Variants in RBBP8 observed in about 807,000 individuals in gnomAD.
RBBP8 encodes DNA endonuclease RBBP8.
Under a neutral mutation model 108.3 loss-of-function variants are expected in RBBP8, and 88 were observed. The ratio of observed to expected loss-of-function variants is 0.81; its 90% CI spans 0.68 to 0.97. The LOEUF (loss-of-function observed/expected upper bound fraction) is 0.97, where lower values mean the gene tolerates loss of function less well. Ranked by LOEUF, RBBP8 falls within the 50% of genes least tolerant of loss-of-function variation. The probability of loss-of-function intolerance (pLI) is 0.00; values close to 1 mark genes in which losing one functional copy is unlikely to be tolerated. For missense variants in RBBP8, 1,023 were observed against 1,049.0 expected, an observed-to-expected ratio of 0.98 and a Z score of 0.34; for synonymous variants, 332 against 348.2, an observed-to-expected ratio of 0.95 and a Z score of 0.52.
At chr18:23,022,350 C>T in intron 18 of RBBP8, 80 bp downstream of exon 18, 1 of 1,407,786 alleles carries the variant, frequency 7.1e-7, no homozygotes, top group South Asian at 1.3e-5. Context: ...CCTATAATCC[C>T]AACACTTTGA....
At position 23,001,695 on chromosome 18, in the gene RBBP8, G is replaced by C. The variant is rs1395880193; in HGVS notation, c.2253G>C (p.Glu751Asp). 1 of 1,614,062 alleles carries C rather than the reference G, an allele frequency of 6.2e-7. No individual in the cohort carries two copies. Among genetic ancestry groups the C allele is most frequent in the Admixed American group, 1.7e-5 (1 of 60,012 alleles). The change falls in exon 15 of 19, where the codon GAG (glutamate) becomes GAC (aspartate). Residue 751 changes from glutamate (E) to aspartate (D), a missense_variant. Coordinates refer to ENST00000327155, the MANE Select transcript of RBBP8 (RefSeq NM_002894.3). ...ADSFSQAADE[E>D]EELSTATKKL... ...GTTTCTCCCAAGCAGCAGATGAAGA[G>C]GAGGAATTGTCTACTGCCACAAAGA... is the stretch of plus-strand genomic sequence containing the variant.
chr18:22,949,942 G>A, intron 4 of RBBP8: 1 of 455,068 alleles, frequency 2.2e-6, no homozygotes. Context: ...GGTGTTTGAT[G>A]TAGTGGAAGC....
chr18:23,003,875 G>A (rs139438757), intron 15 of RBBP8, among the ~76,000 whole-genome samples: 139 of 151,708 alleles, frequency 9.2e-4, no homozygotes, highest in African/African-American at 3.1e-3. Context: ...TGGCTAACAC[G>A]CTGAAACCCC....
intron 16 of RBBP8, among the ~76,000 whole-genome samples, chr18:23,009,725 A>G (rs1405038650): frequency 1.3e-5 from 2 of 152,090 alleles, no homozygotes; most frequent in African/African-American, 4.8e-5. Context: ...GTATATAGTC[A>G]TGCTATCCAT....
In RBBP8 at chr18:22,993,596, C is replaced by G; in HGVS notation, c.1769C>G (p.Pro590Arg). Reference protein sequence around the residue: ...ENAVFKIPLRPRESLETENVL... With the variant: ...ENAVFKIPLRRRESLETENVL... ...GCTGTCTTTAAAATTCCTCTACGTC[C>G]ACGTGAAAGTTTGGAGACTGAGAAT... The change falls in exon 11 of 19, where the codon CCA becomes CGA. Residue 590 changes from proline to arginine, a missense_variant. Transcript: ENST00000327155. 6.2e-7 allele frequency: 1 copy of G among 1,614,168 alleles called. No individual in the cohort carries two copies. Among genetic ancestry groups the G allele is most frequent in the Non-Finnish European group, 8.5e-7 (1 of 1,180,040 alleles).
At chr18:22,996,321 T>C in intron 12 of RBBP8, 53 bp from the exon 13 acceptor site, 1 of 1,605,136 alleles carries the variant, frequency 6.2e-7, no homozygotes, top group Non-Finnish European at 8.5e-7. Context: ...TTTAAAGTGA[T>C]GAGAATTTTT....
upstream of RBBP8, chr18:22,929,249 T>C (rs1567939456): frequency 6.6e-6 from 1 of 152,246 alleles, no homozygotes; most frequent in South Asian, 2.1e-4. Context: ...TCTAGGGTGA[T>C]GGGAAGACCC....
intron 17 of RBBP8, among the ~76,000 whole-genome samples, chr18:23,019,192 T>C (rs996126181): frequency 6.6e-6 from 1 of 152,366 alleles, no homozygotes; most frequent in Middle Eastern, 3.4e-3. Flanking sequence ...TCTGGTTTTT[T>C]AGTTATAACC....
In RBBP8 at chr18:23,008,139, G is replaced by A. The variant is rs78278215; in HGVS notation, c.2357+1707G>A. On this transcript the variant is annotated intron_variant, in intron 16 of 18. Coordinates refer to ENST00000327155, the MANE Select transcript of RBBP8 (RefSeq NM_002894.3). ...AAGCATCTTGATTTAACCATAATGC[G>A]ACCTTCTGCCTTTCACAAGGACTGC... is the stretch of plus-strand genomic sequence containing the variant. Among the ~76,000 whole-genome samples, 236 of 152,194 alleles carry A rather than the reference G, an allele frequency of 1.6e-3. 1 individual carries two copies. Among genetic ancestry groups the A allele is most frequent in the African/African-American group, 5.4e-3 (224 of 41,540 alleles).
chr18:23,000,488 T>C (rs115405668), intron 14 of RBBP8, among the ~76,000 whole-genome samples: 1,782 of 152,258 alleles, frequency 0.012, 26 homozygotes, highest in African/African-American at 0.03. Context: ...GCACCTGTAA[T>C]CCCAGTATTT....
At chr18:22,914,730 C>T (rs968361697) in intron 1 of RBBP8, among the ~76,000 whole-genome samples, 1 of 152,064 alleles carries the variant, frequency 6.6e-6, no homozygotes, top group African/African-American at 2.4e-5. Flanking sequence ...CCAAAAAAAG[C>T]ATTGGCCGGC....
chr18:22,994,567 G>A (rs375193795), intron 12 of RBBP8, among the ~76,000 whole-genome samples: 2 of 149,296 alleles, frequency 1.3e-5, no homozygotes, highest in African/African-American at 2.4e-5. Context: ...GTGTGAACCC[G>A]GGAGGTGGAG....
At chr18:23,002,877 A>G (rs1370757306) in intron 15 of RBBP8, among the ~76,000 whole-genome samples, 1 of 152,174 alleles carries the variant, frequency 6.6e-6, no homozygotes, top group Admixed American at 6.6e-5. Flanking sequence ...CCATCAAGTA[A>G]ATTTTGAAAT....
chr18:23,010,322 A>T (rs989072399), intron 16 of RBBP8, among the ~76,000 whole-genome samples: 5 of 150,542 alleles, frequency 3.3e-5, no homozygotes, highest in Admixed American at 6.6e-5. Context: ...AACAACTGTC[A>T]TTTTCCAGGT....
chr18:23,009,545 T>C (rs1285159064), intron 16 of RBBP8, among the ~76,000 whole-genome samples: 1 of 150,132 alleles, frequency 6.7e-6, no homozygotes, highest in Non-Finnish European at 1.5e-5. Flanking sequence ...ATATATAAAA[T>C]GTATATAATG....
At chr18:23,010,821 G>A (rs778595653) in intron 16 of RBBP8, among the ~76,000 whole-genome samples, 32 of 152,260 alleles carry the variant, frequency 2.1e-4, no homozygotes, top group Non-Finnish European at 2.6e-4. Flanking sequence ...TGGGAAGATG[G>A]ATTGTGTAGT....
intron 5 of RBBP8, among the ~76,000 whole-genome samples, chr18:22,969,244 C>G (rs1913885933): frequency 6.6e-6 from 1 of 151,028 alleles, no homozygotes; most frequent in Non-Finnish European, 1.5e-5. Flanking sequence ...AACCTTAATA[C>G]TTAGTAAAGT....
intron 4 of RBBP8, among the ~76,000 whole-genome samples, chr18:22,961,084 TAATTA>T (rs1424931700): frequency 1.3e-5 from 2 of 152,238 alleles, no homozygotes; most frequent in Admixed American, 6.5e-5. Context: ...TTTGTTTGTT[TAATTA>T]AAGTTGTACT....
chr18:22,941,194 CAG>C (rs1420719273), intron 2 of RBBP8, among the ~76,000 whole-genome samples: 3 of 151,878 alleles, frequency 2.0e-5, no homozygotes, highest in Admixed American at 6.6e-5. Flanking sequence ...TGTTTTGAAA[CAG>C]AGTCTCACTC....
Sources: gnomAD v4.1 joint callset for allele counts (sites outside exome capture counted in the v4.1 genomes callset) on GRCh38, gnomAD v4.1.1 for gene constraint, MANE v1.5 for transcripts, NCBI Gene and HGNC (gene_info 2026-07-23, HGNC 2026-07-21) for gene names.